The following LRRC25 variants were observed in gnomAD, a reference collection of about 807,000 sequenced individuals.
LRRC25 encodes leucine-rich repeat-containing protein 25.
In LRRC25, 5 loss-of-function variants were observed where a neutral mutation model predicts 18.8. The ratio of observed to expected loss-of-function variants is 0.27; its 90% CI spans 0.14 to 0.56. LRRC25 has a LOEUF of 0.56. Among genes scored for constraint, LRRC25 ranks in the 20% least tolerant of loss-of-function variants. LRRC25 has a pLI of 0.93. For synonymous variants in LRRC25, 161 were observed against 176.8 expected (o/e 0.91, Z 0.71); for missense variants, 341 against 389.8 (o/e 0.87, Z 1.05).
In LRRC25 at chr19:18,391,972, T is replaced by TA. The variant is rs754230447; in HGVS notation, c.*14dup. 2.5e-6 allele frequency: 4 copies of TA among 1,611,860 alleles called. No individual in the cohort carries two copies. The highest frequency in any genetic ancestry group is 3.4e-6 in the Non-Finnish European group (4 of 1,178,556). On this transcript the variant is annotated 3_prime_UTR_variant, in exon 2 of 2. Transcript: ENST00000339007. ...GACTGAAGGGGTTCTGGGTGGAGGT[T>TA]AGGACATCTTAGGCTCAGTGCCCGG...
rs141746674 is a variant in LRRC25 at position 18,396,929 on chromosome 19, G to A, written c.35C>T (p.Pro12Leu). ...GCTGTCTGACTCCCGCAGCAGCAGC[G>A]GCAACAGCAGCGTCCATGCCAGGGT... ...GGTLAWTLLL[P>L]LLLRESDSLE... is the part of the protein sequence containing the mutation. Residue 12 changes from proline to leucine, a missense_variant, in exon 1 of 2, where the codon CCG becomes CTG. Pro to Leu is a moderately conservative substitution (Grantham distance 98). Coordinates refer to ENST00000339007, the MANE Select transcript of LRRC25 (RefSeq NM_145256.3). 24 of 1,610,890 alleles carry A rather than the reference G, an allele frequency of 1.5e-5. No individual in the cohort carries two copies. The highest frequency in any genetic ancestry group is 1.1e-4 in the East Asian group (5 of 44,844).
intron 1 of LRRC25, among the ~76,000 whole-genome samples, chr19:18,393,169 C>T (rs367555102): frequency 2.0e-5 from 3 of 152,158 alleles, no homozygotes; most frequent in African/African-American, 7.2e-5. Flanking sequence ...ACTTTGTGGC[C>T]CTCATATATA....
At chr19:18,393,451 C>T (rs889370793) in intron 1 of LRRC25, among the ~76,000 whole-genome samples, 6 of 152,084 alleles carry the variant, frequency 3.9e-5, no homozygotes, top group Non-Finnish European at 7.4e-5. Context: ...GGCAAAACCC[C>T]GTCTCTACTA....
In LRRC25 at chr19:18,391,791, C is replaced by T. The variant is rs1971902600; in HGVS notation, c.*196G>A. 1 of 588,088 alleles carries T rather than the reference C, an allele frequency of 1.7e-6. No individual in the cohort carries two copies. The highest frequency in any genetic ancestry group is 3.0e-5 in the Admixed American group (1 of 32,884). The allele number at this position is 588,088 out of a possible 1,614,324, so 36.4% of individuals were successfully genotyped here. A position where few individuals can be genotyped will look rare whatever the true frequency, so the allele number is the denominator to read the frequency against. ...TTGTTGGGGGTCTCTCCTCTTCCCC[C>T]TCTAGGAGCTGAGGGAGCTGAGGAG... On this transcript the variant is annotated 3_prime_UTR_variant, in exon 2 of 2. Coordinates refer to ENST00000339007, the MANE Select transcript of LRRC25 (RefSeq NM_145256.3).
chr19:18,396,554 A>G lies in LRRC25; in HGVS notation c.410T>C (p.Leu137Pro), dbSNP rs1971972154. 9 of 1,613,766 alleles carry G rather than the reference A, an allele frequency of 5.6e-6. No homozygotes were observed. The Middle Eastern group carries it at 6.6e-4, about 118-fold the overall frequency. Residue 137 changes from leucine (L) to proline (P), a missense_variant, in exon 1 of 2, where the codon CTG becomes CCG. Physicochemically the swap from Leu to Pro is moderately conservative, Grantham distance 98. Transcript: ENST00000339007. ...GGAGCTGGTTGTGTCCCAGCAGAGC[A>G]GAGGCTTCTGGCCAGAGCAGTTGTC... ...RRDNCSGQKPLLCWDTTSSQH... is the reference protein window; with the variant it reads ...RRDNCSGQKPPLCWDTTSSQH...
At chr19:18,396,045 G>C (rs955174304) in intron 1 of LRRC25, 140 bp downstream of exon 1, 2 of 1,075,612 alleles carry the variant, frequency 1.9e-6, no homozygotes, top group African/African-American at 3.2e-5. Context: ...TAGGTGAGGA[G>C]ACTGAGGCTC....
In LRRC25 at chr19:18,396,326, G is replaced by C. The variant is rs200210384; in HGVS notation, c.638C>G (p.Pro213Arg). The stretch of plus-strand genomic sequence containing the variant: ...GTACCGTGGCTGCAAGCCTAAACCG[G>C]GCTTGGGCCCATCCTGAGCAGCCCA... Reference protein sequence around the residue: ...KPWAAQDGPKPGLGLQPRYGS... With the variant: ...KPWAAQDGPKRGLGLQPRYGS... Residue 213 changes from proline to arginine, a missense_variant, in exon 1 of 2, where the codon CCC (proline) becomes CGC (arginine). Physicochemically the swap from Pro to Arg is moderately radical, Grantham distance 103. Coordinates refer to ENST00000339007, the MANE Select transcript of LRRC25 (RefSeq NM_145256.3). 6.1e-4 allele frequency: 988 copies of C among 1,613,840 alleles called. No homozygotes were observed. Among genetic ancestry groups the C allele is most frequent in the Non-Finnish European group, 7.7e-4 (904 of 1,180,022 alleles).
At chr19:18,395,610 T>C (rs1397420437) in intron 1 of LRRC25, among the ~76,000 whole-genome samples, 2 of 152,076 alleles carry the variant, frequency 1.3e-5, no homozygotes, top group Non-Finnish European at 2.9e-5. Flanking sequence ...CGCCAGAAAC[T>C]GGGTTTACAG....
intron 1 of LRRC25, 80 bp downstream of exon 1, chr19:18,396,105 G>C: frequency 1.3e-6 from 2 of 1,496,302 alleles, no homozygotes; most frequent in Non-Finnish European, 1.8e-6. Flanking sequence ...AAGCGGCAGA[G>C]CTGGGATTTG....
At chr19:18,394,312 T>C (rs1442806285) in intron 1 of LRRC25, among the ~76,000 whole-genome samples, 1 of 149,612 alleles carries the variant, frequency 6.7e-6, no homozygotes, top group East Asian at 1.9e-4. Context: ...TTCTTTCTTT[T>C]TTTTTTTTTT....
chr19:18,392,184 A>C, intron 1 of LRRC25, 59 bp from the exon 2 acceptor site: 1 of 1,574,634 alleles, frequency 6.4e-7, no homozygotes, highest in South Asian at 1.1e-5. Context: ...GGGGACAGGC[A>C]CATGAGCTTT....
At chr19:18,392,249 T>G in intron 1 of LRRC25, 124 bp from the exon 2 acceptor site, 2 of 996,514 alleles carry the variant, frequency 2.0e-6, no homozygotes, top group Non-Finnish European at 3.1e-6. Context: ...TCCAGCACTT[T>G]GGGAGGCTGA....
chr19:18,392,428 G>T (rs1341802307), intron 1 of LRRC25, among the ~76,000 whole-genome samples: 1 of 151,978 alleles, frequency 6.6e-6, no homozygotes, highest in African/African-American at 2.4e-5. Context: ...GGAGGTAGAG[G>T]TTGTAGTGAG....
chr19:18,396,953 G>A lies in LRRC25; in HGVS notation c.11C>T (p.Thr4Ile). The A allele has an allele frequency of 6.2e-7, 1 of 1,606,472 alleles. No individual in the cohort carries two copies. The highest frequency in any genetic ancestry group is 8.5e-7 in the Non-Finnish European group (1 of 1,176,150). MGG[T>I]LAWTLLLPLL... ...CGGCAACAGCAGCGTCCATGCCAGGGTGCCCCCCATTCAAGCAACCTACGT... is the reference window on the plus strand; with the variant it reads ...CGGCAACAGCAGCGTCCATGCCAGGATGCCCCCCATTCAAGCAACCTACGT... The change falls in exon 1 of 2, where the codon ACC becomes ATC. Residue 4 changes from threonine (T) to isoleucine (I), a missense_variant. By Grantham distance (89) the Thr-to-Ile change is moderately conservative. Coordinates refer to ENST00000339007, the MANE Select transcript of LRRC25 (RefSeq NM_145256.3).
intron 1 of LRRC25, among the ~76,000 whole-genome samples, chr19:18,395,861 C>T (rs559173753): frequency 6.6e-6 from 1 of 152,292 alleles, no homozygotes; most frequent in South Asian, 2.1e-4. Context: ...GCTGGAACCA[C>T]AGGCGCCCGC....
intron 1 of LRRC25, among the ~76,000 whole-genome samples, chr19:18,395,448 G>C (rs1002874398): frequency 2.0e-5 from 3 of 152,050 alleles, no homozygotes; most frequent in African/African-American, 7.2e-5. Flanking sequence ...GTGTGTCATG[G>C]GGAAATGGGG....
rs1279847655 is a variant in LRRC25, at chr19:18,397,100, A to G, written c.-137T>C. ...TTCTGAAATGGTAAAACGCAGCCCC[A>G]GTCTGGTCGCCTCCTTTGGCTGGTG... On this transcript the variant is annotated 5_prime_UTR_variant, in exon 1 of 2. Coordinates refer to ENST00000339007, the MANE Select transcript of LRRC25 (RefSeq NM_145256.3). 4 of 948,116 alleles carry G rather than the reference A, an allele frequency of 4.2e-6. No individual in the cohort carries two copies. The highest frequency in any genetic ancestry group is 6.1e-6 in the Non-Finnish European group (4 of 653,532). The allele number at this position is 948,116 out of a possible 1,614,324, so 58.7% of individuals were successfully genotyped here. A position where few individuals can be genotyped will look rare whatever the true frequency, so the allele number is the denominator to read the frequency against.
In LRRC25 at chr19:18,397,013, T is replaced by C. The variant is rs765578924; in HGVS notation, c.-50A>G. Reference sequence around the variant, plus strand: ...GGAATCCTAGCCCTGACCTCAGCCCTGTGGTCGCCCTCGCCTCCACCGCCA... The same window carrying C: ...GGAATCCTAGCCCTGACCTCAGCCCCGTGGTCGCCCTCGCCTCCACCGCCA... On this transcript the variant is annotated 5_prime_UTR_variant, in exon 1 of 2. Coordinates refer to ENST00000339007, the MANE Select transcript of LRRC25 (RefSeq NM_145256.3). The C allele has an allele frequency of 1.3e-6, 2 of 1,544,500 alleles. No individual in the cohort carries two copies. Among genetic ancestry groups the C allele is most frequent in the East Asian group, 2.3e-5 (1 of 44,068 alleles).
At position 18,396,456 on chromosome 19, in the gene LRRC25, C is replaced by T; in HGVS notation, c.508G>A (p.Val170Met). The T allele has an allele frequency of 1.2e-6, 2 of 1,613,530 alleles. No individual in the cohort carries two copies. Among genetic ancestry groups the T allele is most frequent in the Non-Finnish European group, 1.7e-6 (2 of 1,180,044 alleles). Residue 170 changes from valine (V) to methionine (M), a missense_variant, in exon 1 of 2, where the codon GTG (valine) becomes ATG (methionine). Coordinates refer to ENST00000339007, the MANE Select transcript of LRRC25 (RefSeq NM_145256.3). The part of the protein sequence containing the change: ...GLASATIGAV[V>M]VSGCLLLGLA... ...CCAAGAAGCAGGCACCCGCTGACCA[C>T]CACTGCCCCGATAGTTGCAGAGGCC...
Sources: allele counts gnomAD v4.1 joint callset (sites outside exome capture counted in the v4.1 genomes callset), GRCh38; gene constraint gnomAD v4.1.1; transcripts MANE v1.5; gene names NCBI Gene and HGNC (gene_info 2026-07-23, HGNC 2026-07-21).